Variants in FBXL17 observed in about 807,000 individuals in gnomAD.
The protein encoded by FBXL17 is F-box and leucine rich repeat protein 17, also known as F-box/LRR-repeat protein 17.
Under a neutral mutation model 66.2 loss-of-function variants are expected in FBXL17, and 22 were observed. The ratio of observed to expected loss-of-function variants is 0.33; its 90% CI spans 0.24 to 0.47. FBXL17 has a LOEUF of 0.47. Among genes scored for constraint, FBXL17 ranks in the 20% least tolerant of loss-of-function variants. The pLI, the probability that FBXL17 is intolerant of heterozygous loss-of-function variation, is 1.00. For synonymous variants in FBXL17, 474 were observed against 400.5 expected (o/e 1.18, Z -2.19); for missense variants, 878 against 948.2 (o/e 0.93, Z 0.97).
intron 4 of FBXL17, among the ~76,000 whole-genome samples, chr5:108,256,071 C>G (rs1456269010): frequency 2.0e-5 from 3 of 152,122 alleles, no homozygotes; most frequent in African/African-American, 7.2e-5. Flanking sequence ...AGCTCAGAGT[C>G]AAGAAGACTA....
At chr5:107,986,730 T>C (rs1753024309) in intron 7 of FBXL17, among the ~76,000 whole-genome samples, 1 of 151,994 alleles carries the variant, frequency 6.6e-6, no homozygotes, top group African/African-American at 2.4e-5. Flanking sequence ...TTTACAATAG[T>C]GCACTATAAC....
chr5:108,291,160 GAT>G (rs1393853895), intron 4 of FBXL17, among the ~76,000 whole-genome samples: 1 of 152,070 alleles, frequency 6.6e-6, no homozygotes, highest in Non-Finnish European at 1.5e-5. Context: ...TGAAATAAAT[GAT>G]ATGAGTGGCA....
At chr5:107,869,842 T>C (rs1219662376) in intron 8 of FBXL17, among the ~76,000 whole-genome samples, 1 of 152,158 alleles carries the variant, frequency 6.6e-6, no homozygotes, top group Non-Finnish European at 1.5e-5. Flanking sequence ...TTCCCTTCCT[T>C]CCCTCTTCCT....
At position 107,970,257 on chromosome 5, in the gene FBXL17, T is replaced by C. The variant is rs139645146; in HGVS notation, c.1822+50668A>G. Among the ~76,000 whole-genome samples, 1,512 of 152,214 alleles carry C rather than the reference T, an allele frequency of 9.9e-3. 21 individuals are homozygous for C. Among genetic ancestry groups the C allele is most frequent in the African/African-American group, 0.035 (1,437 of 41,504 alleles). ...GGTTCTCTTTGTTACCAAACGCAAG[T>C]TCAAAACTCTCTTCTCTCCTGCCTT... On this transcript the variant is annotated intron_variant, in intron 7 of 8. Coordinates refer to ENST00000542267, the MANE Select transcript of FBXL17 (RefSeq NM_001163315.3).
At chr5:108,216,419 A>T (rs1401989079) in intron 5 of FBXL17, among the ~76,000 whole-genome samples, 1 of 152,062 alleles carries the variant, frequency 6.6e-6, no homozygotes, top group African/African-American at 2.4e-5. Flanking sequence ...TAAATGTTTT[A>T]TTATTTTTGA....
rs575340034 is a variant in FBXL17 at position 108,111,812 on chromosome 5, T to C, written c.1745+74305A>G. 5.9e-5 allele frequency among the ~76,000 whole-genome samples: 9 copies of C among 152,310 alleles called. No homozygotes were observed. In the East Asian group the frequency reaches 1.7e-3, roughly 29 times the overall value. On this transcript the variant is annotated intron_variant, in intron 6 of 8. Coordinates refer to ENST00000542267, the MANE Select transcript of FBXL17 (RefSeq NM_001163315.3). The stretch of plus-strand genomic sequence containing the variant: ...CTCTCAATAAATGTTTACAAATGGA[T>C]TGATTACTTAGTCACTGCCCTTGAG...
At chr5:108,061,505 C>T (rs950044584) in intron 6 of FBXL17, among the ~76,000 whole-genome samples, 1 of 152,076 alleles carries the variant, frequency 6.6e-6, no homozygotes, top group Non-Finnish European at 1.5e-5. Context: ...CTTTCTCTGG[C>T]CCTCTCAACC....
At chr5:107,976,761 A>C (rs1752594348) in intron 7 of FBXL17, among the ~76,000 whole-genome samples, 1 of 152,220 alleles carries the variant, frequency 6.6e-6, no homozygotes. Context: ...TAAAAAAAGA[A>C]AAGACAATAA....
chr5:107,980,400 T>A (rs143961504), intron 7 of FBXL17, among the ~76,000 whole-genome samples: 2,661 of 133,276 alleles, frequency 0.02, 38 homozygotes, highest in Non-Finnish European at 0.03. Flanking sequence ...TTTTACTTAA[T>A]ATTTTTTTTT....
intron 6 of FBXL17, among the ~76,000 whole-genome samples, chr5:108,053,223 G>T (rs1189631325): frequency 6.6e-6 from 1 of 152,128 alleles, no homozygotes; most frequent in East Asian, 1.9e-4. Context: ...AAGAGTATCT[G>T]CACAGCAAAA....
chr5:108,252,282 T>G (rs1331949267), intron 4 of FBXL17, among the ~76,000 whole-genome samples: 1 of 151,494 alleles, frequency 6.6e-6, no homozygotes, highest in Admixed American at 6.6e-5. Context: ...AACTGGGGGG[T>G]TTCTTGTTAT....
In FBXL17 at chr5:108,285,635, G is replaced by A. The variant is rs74720358; in HGVS notation, c.1507-61407C>T. ...TTTCTGAGCAATAGGTCTCAAAAGC[G>A]GGCTTACAATATTCAGCAAACCATG... On this transcript the variant is annotated intron_variant, in intron 4 of 8. Transcript: ENST00000542267. Among the ~76,000 whole-genome samples the A allele has an allele frequency of 3.9e-3, 597 of 151,732 alleles. 7 individuals carry two copies. Among genetic ancestry groups the A allele is most frequent in the African/African-American group, 0.014 (576 of 41,464 alleles).
At chr5:107,878,581 C>T (rs1748684789) in intron 8 of FBXL17, 2 of 980,886 alleles carry the variant, frequency 2.0e-6, no homozygotes, top group Non-Finnish European at 2.4e-6. Context: ...CAGACCATAC[C>T]GTTGCTACTA....
intron 7 of FBXL17, among the ~76,000 whole-genome samples, chr5:107,925,875 T>C (rs989494261): frequency 6.6e-6 from 1 of 152,202 alleles, no homozygotes; most frequent in African/African-American, 2.4e-5. Flanking sequence ...TATCTTAATA[T>C]GCAAACAGAC....
chr5:108,322,096 T>C (rs937949658), intron 4 of FBXL17, among the ~76,000 whole-genome samples: 2 of 151,806 alleles, frequency 1.3e-5, no homozygotes, highest in African/African-American at 4.8e-5. Flanking sequence ...CCACTGCATA[T>C]AGGAATGCAA....
intron 7 of FBXL17, among the ~76,000 whole-genome samples, chr5:108,001,690 C>CG (rs1753736969): frequency 6.6e-6 from 1 of 151,908 alleles, no homozygotes; most frequent in African/African-American, 2.4e-5. Flanking sequence ...CTAGTAGAGA[C>CG]GGGGTCTCAC....
Position 107,866,973 on chromosome 5 carries a change from A to T in FBXL17, c.1966-5113T>A, listed in dbSNP as rs139487320. On this transcript the variant is annotated intron_variant, in intron 8 of 8. Transcript: ENST00000542267. ...GTTCACTGTCAAATCCCTAGCACATAGTATATACTCAATAAATATGTGCTG... is the reference window on the plus strand; with the variant it reads ...GTTCACTGTCAAATCCCTAGCACATTGTATATACTCAATAAATATGTGCTG... Among the ~76,000 whole-genome samples the T allele has an allele frequency of 1.6e-3, 243 of 152,336 alleles. 1 individual carries two copies. Among genetic ancestry groups the T allele is most frequent in the African/African-American group, 5.6e-3 (234 of 41,566 alleles).
intron 4 of FBXL17, among the ~76,000 whole-genome samples, chr5:108,329,723 T>C (rs1760029726): frequency 6.6e-6 from 1 of 152,136 alleles, no homozygotes; most frequent in South Asian, 2.1e-4. Context: ...CTTCAAAATA[T>C]TTCACTTGAA....
At chr5:108,298,619 G>T in intron 4 of FBXL17, 1 of 929,362 alleles carries the variant, frequency 1.1e-6, no homozygotes, top group Non-Finnish European at 1.3e-6. Context: ...TTTTTTAATA[G>T]CAAAGTTCTT....
Sources: allele counts gnomAD v4.1 joint callset (sites outside exome capture counted in the v4.1 genomes callset), GRCh38; gene constraint gnomAD v4.1.1; transcripts MANE v1.5; gene names NCBI Gene and HGNC (gene_info 2026-07-23, HGNC 2026-07-21).